Variants in ZNF532 observed in about 807,000 individuals in gnomAD.
ZNF532 encodes the protein zinc finger protein 532.
ZNF532 carries 22 observed loss-of-function variants against 89.3 expected under a neutral mutation model. The ratio of observed to expected loss-of-function variants is 0.25; its 90% CI spans 0.18 to 0.35. The LOEUF (loss-of-function observed/expected upper bound fraction) is 0.35, where lower values mean the gene tolerates loss of function less well. ZNF532 is among the 10% of genes least tolerant of loss of function. The pLI is 1.00. For synonymous variants in ZNF532, 606 were observed against 649.6 expected, an observed-to-expected ratio of 0.93 and a Z score of 1.02; for missense variants, 1,132 against 1,643.4, an observed-to-expected ratio of 0.69 and a Z score of 5.38.
At chr18:58,923,139 C>T (rs1483202743) in intron 3 of ZNF532, among the ~76,000 whole-genome samples, 1 of 152,048 alleles carries the variant, frequency 6.6e-6, no homozygotes, top group African/African-American at 2.4e-5. Flanking sequence ...GCAAAACACT[C>T]ACCTCCTGAT....
intron 2 of ZNF532, among the ~76,000 whole-genome samples, chr18:58,884,979 G>GTTTTTTTTTTTTTTTTTTTTTTTTTT (rs34689408): frequency 2.2e-5 from 3 of 138,106 alleles, no homozygotes; most frequent in African/African-American, 2.7e-5. Flanking sequence ...CAGTACAAGG[G>GTTTTTTTTTTTTTTTTTTTTTTTTTT]TTTTTTTTTT....
intron 7 of ZNF532, 87 bp downstream of exon 7, chr18:58,953,886 C>G (rs372773921): frequency 6.6e-7 from 1 of 1,510,678 alleles, no homozygotes; most frequent in East Asian, 2.3e-5. Flanking sequence ...CTTGGCTTGG[C>G]TCTATCAGTA....
rs78446165 is a variant in ZNF532 at position 58,929,872 on chromosome 18, A to G, written c.2347-4561A>G. ...TGTTCTCAGTGTGAAATTGGACAAAAGTGAAAGCCACAAAACAAACTGGTA... is the reference window on the plus strand; with the variant it reads ...TGTTCTCAGTGTGAAATTGGACAAAGGTGAAAGCCACAAAACAAACTGGTA... On this transcript the variant is annotated intron_variant, in intron 3 of 9. Transcript: ENST00000591808. Among the ~76,000 whole-genome samples, 418 of 152,382 alleles carry G rather than the reference A, an allele frequency of 2.7e-3. 2 individuals carry two copies. Among genetic ancestry groups the G allele is most frequent in the African/African-American group, 9.6e-3 (401 of 41,592 alleles).
chr18:58,917,277 G>A (rs572920814), intron 2 of ZNF532, among the ~76,000 whole-genome samples: 24 of 152,302 alleles, frequency 1.6e-4, no homozygotes, highest in African/African-American at 5.3e-4. Context: ...TAAACCCAGT[G>A]CCTGTCTTGG....
At chr18:58,871,938 A>G (rs1333460053) in intron 2 of ZNF532, among the ~76,000 whole-genome samples, 1 of 152,258 alleles carries the variant, frequency 6.6e-6, no homozygotes, top group African/African-American at 2.4e-5. Flanking sequence ...ATCAAAGCAA[A>G]TTGAAAGTGG....
intron 9 of ZNF532, among the ~76,000 whole-genome samples, chr18:58,982,553 C>G (rs750392200): frequency 3.9e-5 from 6 of 151,956 alleles, no homozygotes; most frequent in Non-Finnish European, 5.9e-5. Flanking sequence ...ACCTGGGAAG[C>G]AGAGGTTGCA....
At chr18:58,880,740 GCCC>G (rs2057810627) in intron 2 of ZNF532, among the ~76,000 whole-genome samples, 1 of 149,146 alleles carries the variant, frequency 6.7e-6, no homozygotes, top group African/African-American at 2.4e-5. Context: ...GTATATTTGA[GCCC>G]TCTCATAGGC....
intron 2 of ZNF532, among the ~76,000 whole-genome samples, chr18:58,899,770 A>G (rs1323010214): frequency 2.6e-5 from 4 of 152,124 alleles, no homozygotes; most frequent in Admixed American, 1.3e-4. Flanking sequence ...CCCAGCCTGA[A>G]ACACTCTTTT....
At chr18:58,888,697 T>TTATATATATATATATA (rs71336305) in intron 2 of ZNF532, among the ~76,000 whole-genome samples, 1 of 45,308 alleles carries the variant, frequency 2.2e-5, no homozygotes, top group Non-Finnish European at 3.4e-5. Flanking sequence ...AAAAAAAAAA[T>TTATATATATATATATA]TATATATATA....
chr18:58,919,906 T>G lies in ZNF532; in HGVS notation c.1619T>G (p.Leu540Arg). 1 of 1,613,974 alleles carries G rather than the reference T, an allele frequency of 6.2e-7. No homozygotes were observed. Among genetic ancestry groups the G allele is most frequent in the African/African-American group, 1.3e-5 (1 of 75,032 alleles). The part of the protein sequence containing the change: ...LPQGAQATSE[L>R]RQVLTKPQQQ... Reference sequence around the variant, plus strand: ...CAGGGTGCCCAGGCCACCTCTGAACTCCGCCAAGTGCTAACCAAACCTCAG... The same window carrying G: ...CAGGGTGCCCAGGCCACCTCTGAACGCCGCCAAGTGCTAACCAAACCTCAG... Residue 540 changes from leucine to arginine, a missense_variant, in exon 3 of 10, where the codon CTC becomes CGC. Leu to Arg is a moderately radical substitution (Grantham distance 102). Around this residue, in one of 9 missense-constraint regions of ZNF532, gnomAD observed 97 missense variants for 143.7 expected, o/e 0.68. Coordinates refer to ENST00000591808, the MANE Select transcript of ZNF532 (RefSeq NM_001375912.1). This position sits in a 1 kb window ranked among gnomAD's most constrained non-coding sequence, Gnocchi z 6.1.
In ZNF532 at chr18:58,920,256, A is replaced by G. The variant is rs1451000567; in HGVS notation, c.1969A>G (p.Asn657Asp). The change falls in exon 3 of 10, where the codon AAC (asparagine) becomes GAC (aspartate). Residue 657 changes from asparagine to aspartate, a missense_variant. Asn to Asp is a conservative substitution (Grantham distance 23). This residue lies in a region of ZNF532 where 70 missense variants were observed against 152.1 expected (regional missense o/e 0.46). Coordinates refer to ENST00000591808, the MANE Select transcript of ZNF532 (RefSeq NM_001375912.1). The stretch of plus-strand genomic sequence containing the variant: ...TTGTACAAAGAACCTCGTTTTTTAC[A>G]ACAAATGCAGCCTCCTTTCCCATGC... ...NHCTKNLVFY[N>D]KCSLLSHARG... is the part of the protein sequence containing the mutation. 6.2e-7 allele frequency: 1 copy of G among 1,613,998 alleles called. No individual in the cohort carries two copies.
rs557150993 is a variant in ZNF532 at position 58,889,822 on chromosome 18, C to T, written c.-18+24243C>T. On this transcript the variant is annotated intron_variant, in intron 2 of 9. Coordinates refer to ENST00000591808, the MANE Select transcript of ZNF532 (RefSeq NM_001375912.1). Reference sequence around the variant, plus strand: ...AAATTTGGCTAGGCGCGGTGGCTCACGCCTGTAATCCCAGCACTTTGGGAG... The same window carrying T: ...AAATTTGGCTAGGCGCGGTGGCTCATGCCTGTAATCCCAGCACTTTGGGAG... Among the ~76,000 whole-genome samples, 5 of 149,044 alleles carry T rather than the reference C, an allele frequency of 3.4e-5. No homozygotes were observed. The East Asian group carries it at 6.1e-4, about 18-fold the overall frequency.
intron 4 of ZNF532, among the ~76,000 whole-genome samples, chr18:58,935,524 T>C (rs1351194920): frequency 1.0e-5 from 1 of 99,934 alleles, no homozygotes; most frequent in African/African-American, 4.0e-5. Context: ...CCCCTTCGAG[T>C]TCTCTCATTC....
chr18:58,968,633 T>C (rs1233473635), intron 7 of ZNF532, among the ~76,000 whole-genome samples: 1 of 152,152 alleles, frequency 6.6e-6, no homozygotes, highest in African/African-American at 2.4e-5. Context: ...AGGTAGAGCG[T>C]AGACATAGAT....
At chr18:58,888,727 A>T (rs1386202206) in intron 2 of ZNF532, among the ~76,000 whole-genome samples, 271 of 9,234 alleles carry the variant, frequency 0.029, 47 homozygotes, top group Non-Finnish European at 0.037. Flanking sequence ...ATATATATAA[A>T]TTATATATAT....
At chr18:58,967,840 C>G (rs1386538977) in intron 7 of ZNF532, among the ~76,000 whole-genome samples, 1 of 152,192 alleles carries the variant, frequency 6.6e-6, no homozygotes, top group Non-Finnish European at 1.5e-5. Context: ...ATGGCAGTTG[C>G]AAGCCTTTGG....
intron 2 of ZNF532, among the ~76,000 whole-genome samples, chr18:58,898,766 G>A (rs1453586643): frequency 6.6e-6 from 1 of 152,194 alleles, no homozygotes; most frequent in African/African-American, 2.4e-5. Context: ...TACCATCTGT[G>A]CTGGGGAAAT....
chr18:58,932,841 C>T (rs2062069799), intron 3 of ZNF532, among the ~76,000 whole-genome samples: 1 of 151,994 alleles, frequency 6.6e-6, no homozygotes, highest in Admixed American at 6.6e-5. Flanking sequence ...TGTATATACA[C>T]ACACATGCAT....
chr18:58,980,735 T>G (rs2067665984), intron 8 of ZNF532: 1 of 152,208 alleles, frequency 6.6e-6, no homozygotes, highest in South Asian at 2.1e-4. Context: ...CTCCACCTCC[T>G]GGGTTCAACC....
Sources: gnomAD v4.1 joint callset for allele counts (sites outside exome capture counted in the v4.1 genomes callset) on GRCh38, gnomAD v4.1.1 for gene constraint, gnomAD v4.1.1 regional missense constraint, Gnocchi (gnomAD v3.1) non-coding constraint, MANE v1.5 for transcripts, NCBI Gene and HGNC (gene_info 2026-07-23, HGNC 2026-07-21) for gene names.